The following NAT1 variants were observed in gnomAD, a reference collection of about 807,000 sequenced individuals.
The protein encoded by NAT1 is N-acetyltransferase 1, also known as arylamine N-acetyltransferase 1.
For missense variants in NAT1, 400 were observed against 339.2 expected, an observed-to-expected ratio of 1.18 and a Z score of -1.41; for synonymous variants, 144 against 122.6, an observed-to-expected ratio of 1.17 and a Z score of -1.16.
chr8:18,180,907 G>A (rs1222768057), intron 2 of NAT1, among the ~76,000 whole-genome samples: 1 of 152,086 alleles, frequency 6.6e-6, no homozygotes, highest in Non-Finnish European at 1.5e-5. Flanking sequence ...GGTTGCTATA[G>A]CTTTATAGTA....
At chr8:18,188,441 A>G in intron 2 of NAT1, among the ~76,000 whole-genome samples, 1 of 152,162 alleles carries the variant, frequency 6.6e-6, no homozygotes, top group Non-Finnish European at 1.5e-5. Context: ...GAGGAGGGCA[A>G]AATATACATT....
At chr8:18,200,570 A>G (rs1803418030) in intron 2 of NAT1, among the ~76,000 whole-genome samples, 1 of 152,156 alleles carries the variant, frequency 6.6e-6, no homozygotes, top group East Asian at 1.9e-4. Context: ...GGATTGAAAA[A>G]CTACCTCTCA....
chr8:18,185,043 T>A (rs1563165418), intron 2 of NAT1, among the ~76,000 whole-genome samples: 1 of 152,162 alleles, frequency 6.6e-6, no homozygotes, highest in Non-Finnish European at 1.5e-5. Flanking sequence ...TTAAATGTTA[T>A]TTTTTTCAGG....
chr8:18,186,206 T>C (rs533270905), intron 2 of NAT1, among the ~76,000 whole-genome samples: 3 of 152,336 alleles, frequency 2.0e-5, no homozygotes, highest in Non-Finnish European at 2.9e-5. Flanking sequence ...AAGATAGGCA[T>C]TGAAATTTCC....
At chr8:18,173,192 C>T (rs1397647872) in intron 2 of NAT1, among the ~76,000 whole-genome samples, 1 of 151,376 alleles carries the variant, frequency 6.6e-6, no homozygotes, top group Admixed American at 6.6e-5. Flanking sequence ...ATCATGTGCA[C>T]AGCACAGGAT....
upstream of NAT1, among the ~76,000 whole-genome samples, chr8:18,209,488 T>C (rs922465992): frequency 3.3e-5 from 5 of 152,184 alleles, 1 homozygote; most frequent in South Asian, 1.0e-3. Flanking sequence ...TTATGTTGTA[T>C]AGAGAAAAAT....
At chr8:18,178,037 T>A (rs7835928) in intron 2 of NAT1, among the ~76,000 whole-genome samples, 40,364 of 151,852 alleles carry the variant, frequency 0.27, 5,910 homozygotes, top group South Asian at 0.38. Context: ...ATGGTGCAAT[T>A]AATCTAACGT....
At chr8:18,207,807 C>A (rs1293036847), upstream of NAT1, among the ~76,000 whole-genome samples, 2 of 152,152 alleles carry the variant, frequency 1.3e-5, no homozygotes, top group Non-Finnish European at 2.9e-5. Context: ...TATAAAGATA[C>A]ATGCACGTAT....
At chr8:18,208,666 T>C (rs1589098316), upstream of NAT1, among the ~76,000 whole-genome samples, 1 of 152,092 alleles carries the variant, frequency 6.6e-6, no homozygotes. Context: ...TCTACCTCCT[T>C]AGGAAGTAAA....
intron 2 of NAT1, among the ~76,000 whole-genome samples, chr8:18,201,893 A>G (rs1052670851): frequency 1.3e-5 from 2 of 152,208 alleles, no homozygotes; most frequent in African/African-American, 4.8e-5. Context: ...CCTTTTCATC[A>G]AAGGACTCCA....
upstream of NAT1, among the ~76,000 whole-genome samples, chr8:18,209,164 T>C (rs1483101328): frequency 6.6e-6 from 1 of 152,186 alleles, no homozygotes; most frequent in African/African-American, 2.4e-5. Context: ...CATCCTGGGC[T>C]GAATAGTGGT....
intron 1 of NAT1, chr8:18,212,615 T>C (rs998799037): frequency 6.6e-6 from 1 of 152,208 alleles, no homozygotes; most frequent in Non-Finnish European, 1.5e-5. Context: ...AGGACATAAA[T>C]CCCTGGCACC....
At chr8:18,199,308 ACT>A (rs1426935229) in intron 2 of NAT1, among the ~76,000 whole-genome samples, 3 of 123,738 alleles carry the variant, frequency 2.4e-5, no homozygotes, top group East Asian at 2.3e-4. Flanking sequence ...AACAAGAAAG[ACT>A]CTGTCTCAAA....
chr8:18,185,150 G>C (rs1252388958), intron 2 of NAT1, among the ~76,000 whole-genome samples: 1 of 152,144 alleles, frequency 6.6e-6, no homozygotes, highest in East Asian at 1.9e-4. Flanking sequence ...TATCAAGTTT[G>C]TGTACCGACA....
chr8:18,195,945 TTGA>T (rs1803213682), intron 2 of NAT1, among the ~76,000 whole-genome samples: 1 of 151,798 alleles, frequency 6.6e-6, no homozygotes, highest in Admixed American at 6.6e-5. Context: ...CCCTGATGGC[TTGA>T]AGAATTGACA....
intron 2 of NAT1, among the ~76,000 whole-genome samples, chr8:18,185,025 A>G (rs2117234390): frequency 6.6e-6 from 1 of 152,230 alleles, no homozygotes; most frequent in South Asian, 2.1e-4. Context: ...CATTGGTTAA[A>G]CAAATGTTTA....
chr8:18,197,336 C>T (rs1803276732), intron 2 of NAT1, among the ~76,000 whole-genome samples: 1 of 152,174 alleles, frequency 6.6e-6, no homozygotes, highest in African/African-American at 2.4e-5. Context: ...CATTGAAGTA[C>T]ATAAAGACAT....
At chr8:18,202,678 G>A (rs1803515211) in intron 2 of NAT1, among the ~76,000 whole-genome samples, 1 of 152,106 alleles carries the variant, frequency 6.6e-6, no homozygotes, top group African/African-American at 2.4e-5. Flanking sequence ...TGTCCCTCCT[G>A]GTGGGTTCGT....
At chr8:18,204,358 G>A (rs1213554001) in intron 2 of NAT1, among the ~76,000 whole-genome samples, 2 of 152,146 alleles carry the variant, frequency 1.3e-5, no homozygotes, top group African/African-American at 4.8e-5. Flanking sequence ...TGGGACCCAG[G>A]ATGAGTAGGG....
Sources: allele counts gnomAD v4.1 joint callset (sites outside exome capture counted in the v4.1 genomes callset), GRCh38; gene constraint gnomAD v4.1.1; transcripts MANE v1.5; gene names NCBI Gene and HGNC (gene_info 2026-07-23, HGNC 2026-07-21).